Variants in PLD5 observed in about 807,000 individuals in gnomAD.
PLD5 encodes phospholipase D family member 5.
PLD5 carries 36 observed loss-of-function variants against 61.1 expected under a neutral mutation model. The ratio of observed to expected loss-of-function variants is 0.59; its 90% CI spans 0.45 to 0.78. PLD5 has a LOEUF of 0.78. Ranked by LOEUF, PLD5 falls within the 30% of genes least tolerant of loss-of-function variation. The probability of loss-of-function intolerance (pLI) is 0.00; values close to 1 mark genes in which losing one functional copy is unlikely to be tolerated. For missense variants in PLD5, 515 were observed against 644.4 expected (o/e 0.80, Z 2.17); for synonymous variants, 243 against 242.8 (o/e 1.00, Z -0.01).
rs558073105 is a variant in PLD5 at position 242,246,028 on chromosome 1, C to T, written c.607+19309G>A. On this transcript the variant is annotated intron_variant, in intron 4 of 9. Coordinates refer to ENST00000536534, the MANE Select transcript of PLD5 (RefSeq NM_001372062.1). The stretch of plus-strand genomic sequence containing the variant: ...ATTATCTCATTAATCTTCAGAATAA[C>T]CCTAGGCAGTAGCTACTATTATTAG... Among the ~76,000 whole-genome samples the T allele has an allele frequency of 2.6e-5, 4 of 152,228 alleles. 1 individual carries two copies. The highest frequency in any genetic ancestry group is 2.6e-4 in the Admixed American group (4 of 15,288).
At chr1:242,334,558 A>G (rs1002546568) in intron 2 of PLD5, among the ~76,000 whole-genome samples, 3 of 152,160 alleles carry the variant, frequency 2.0e-5, no homozygotes, top group Non-Finnish European at 4.4e-5. Context: ...GCCCTTTGGT[A>G]GGCAGCCCTC....
chr1:242,376,344 G>A lies in PLD5; in HGVS notation c.190-28102C>T, dbSNP rs566036268. ...CGGCGTGGCCTGAAGACAAAGGCAC[G>A]CCCACACTGGAGTGCAGTTGTCTCA... On this transcript the variant is annotated intron_variant, in intron 1 of 9. Transcript: ENST00000536534. Among the ~76,000 whole-genome samples the A allele has an allele frequency of 3.8e-4, 58 of 152,254 alleles. 1 individual carries two copies. The highest frequency in any genetic ancestry group is 1.2e-3 in the African/African-American group (49 of 41,546).
At chr1:242,257,441 T>C (rs12144124) in intron 4 of PLD5, among the ~76,000 whole-genome samples, 15,354 of 152,224 alleles carry the variant, frequency 0.1, 823 homozygotes, top group Non-Finnish European at 0.12. Flanking sequence ...CACAGTGTGC[T>C]GGACCATCAG....
chr1:242,283,002 C>T (rs1192169682), intron 3 of PLD5, among the ~76,000 whole-genome samples: 2 of 152,150 alleles, frequency 1.3e-5, no homozygotes, highest in Non-Finnish European at 2.9e-5. Context: ...CAAACACAAA[C>T]AGATTAACAC....
intron 7 of PLD5, among the ~76,000 whole-genome samples, chr1:242,111,045 T>A (rs542710518): frequency 1.3e-5 from 2 of 148,752 alleles, no homozygotes; most frequent in African/African-American, 5.1e-5. Context: ...AGAAGTGAAA[T>A]AGGGCTTCTG....
chr1:242,134,408 A>G (rs1171145130), intron 5 of PLD5, among the ~76,000 whole-genome samples: 1 of 151,862 alleles, frequency 6.6e-6, no homozygotes, highest in Non-Finnish European at 1.5e-5. Context: ...TTTAATAAAT[A>G]ATTAGAAAAA....
intron 2 of PLD5, among the ~76,000 whole-genome samples, chr1:242,329,517 C>A (rs536897738): frequency 6.6e-6 from 1 of 152,244 alleles, no homozygotes; most frequent in South Asian, 2.1e-4. Flanking sequence ...CTCAGGTGAT[C>A]CACGGGACAC....
chr1:242,474,883 C>T (rs996144191), intron 1 of PLD5, among the ~76,000 whole-genome samples: 39 of 152,138 alleles, frequency 2.6e-4, no homozygotes, highest in African/African-American at 9.2e-4. Flanking sequence ...TCTGTGCTAC[C>T]CCTGTAGTTG....
At chr1:242,094,613 G>T (rs1453437819) in intron 9 of PLD5, among the ~76,000 whole-genome samples, 1 of 152,064 alleles carries the variant, frequency 6.6e-6, no homozygotes, top group African/African-American at 2.4e-5. Context: ...TCAGTCTAGG[G>T]AATTAACATT....
At position 242,271,004 on chromosome 1, in the gene PLD5, G is replaced by A. The variant is rs1674031085; in HGVS notation, c.496-5556C>T. On this transcript the variant is annotated intron_variant, in intron 3 of 9. Coordinates refer to ENST00000536534, the MANE Select transcript of PLD5 (RefSeq NM_001372062.1). ...AGGCTCCTGGAGAAGATGGAAGTTA[G>A]AACTAAAACACAATATGTGCACTGA... Among the ~76,000 whole-genome samples the A allele has an allele frequency of 2.6e-5, 4 of 152,078 alleles. 1 individual carries two copies. The South Asian group carries it at 8.3e-4, about 32-fold the overall frequency.
At chr1:242,186,639 GA>G (rs35666667) in intron 5 of PLD5, among the ~76,000 whole-genome samples, 3,207 of 151,764 alleles carry the variant, frequency 0.021, 110 homozygotes, top group African/African-American at 0.064. Flanking sequence ...ATTTTCAAGA[GA>G]AAAAAAACAA....
chr1:242,384,355 A>T (rs2149258654), intron 1 of PLD5, among the ~76,000 whole-genome samples: 1 of 152,350 alleles, frequency 6.6e-6, no homozygotes, highest in Admixed American at 6.5e-5. Flanking sequence ...ACTGGATCCC[A>T]GCTTTTCCAC....
intron 5 of PLD5, among the ~76,000 whole-genome samples, chr1:242,169,281 C>T (rs1410874454): frequency 1.3e-5 from 2 of 152,106 alleles, no homozygotes. Flanking sequence ...GAGTGCAGCC[C>T]ATGGAGGGTG....
chr1:242,399,665 T>C (rs996082702), intron 1 of PLD5, among the ~76,000 whole-genome samples: 3 of 151,866 alleles, frequency 2.0e-5, no homozygotes, highest in African/African-American at 4.8e-5. Flanking sequence ...GAATTGATTA[T>C]ATCGGGGGTC....
intron 8 of PLD5, among the ~76,000 whole-genome samples, chr1:242,101,671 G>A: frequency 6.6e-6 from 1 of 152,154 alleles, no homozygotes; most frequent in East Asian, 1.9e-4. Flanking sequence ...GAAGAGGCAG[G>A]GAGGAAAATG....
At chr1:242,359,048 G>A (rs900214517) in intron 1 of PLD5, among the ~76,000 whole-genome samples, 2 of 152,156 alleles carry the variant, frequency 1.3e-5, no homozygotes, top group African/African-American at 4.8e-5. Context: ...GGAGTGACCA[G>A]CTTGACTTTG....
intron 4 of PLD5, among the ~76,000 whole-genome samples, chr1:242,229,543 G>A (rs1339956708): frequency 6.6e-6 from 1 of 152,058 alleles, no homozygotes; most frequent in African/African-American, 2.4e-5. Flanking sequence ...AGATCAATTT[G>A]GGAAGAATTG....
chr1:242,365,904 C>A (rs1661315858), intron 1 of PLD5: 1 of 152,768 alleles, frequency 6.5e-6, no homozygotes, highest in Non-Finnish European at 1.5e-5. Context: ...AGATAGATAA[C>A]CCAAATACCC....
intron 9 of PLD5, among the ~76,000 whole-genome samples, chr1:242,095,685 A>G (rs1423786054): frequency 6.6e-6 from 1 of 152,176 alleles, no homozygotes; most frequent in African/African-American, 2.4e-5. Context: ...TGCTGAATTG[A>G]CACACAACAT....
Sources: allele counts gnomAD v4.1 joint callset (sites outside exome capture counted in the v4.1 genomes callset), GRCh38; gene constraint gnomAD v4.1.1; transcripts MANE v1.5; gene names NCBI Gene and HGNC (gene_info 2026-07-23, HGNC 2026-07-21).